Variants in TMEM61 observed in about 807,000 individuals in gnomAD.
TMEM61 encodes transmembrane protein 61.
A neutral mutation model predicts 12.0 loss-of-function variants in TMEM61; 13 were observed. That is an observed-to-expected ratio of 1.08 (90% CI 0.70 to 1.72). TMEM61 has a LOEUF of 1.72. Among genes scored for constraint, TMEM61 ranks in the 40% most tolerant of loss-of-function variants. TMEM61 has a pLI of 0.00. For missense variants in TMEM61, 249 were observed against 276.9 expected (o/e 0.90, Z 0.71); for synonymous variants, 109 against 121.4 (o/e 0.90, Z 0.67).
chr1:54,982,173 G>A (rs1291009923), intron 1 of TMEM61, among the ~76,000 whole-genome samples: 1 of 152,186 alleles, frequency 6.6e-6, no homozygotes, highest in Non-Finnish European at 1.5e-5. Flanking sequence ...AACAGGGAAT[G>A]ACCACTGTAG....
chr1:54,991,917 A>C lies in TMEM61; in HGVS notation c.447A>C (p.Ala149=). 1 of 1,614,182 alleles carries C rather than the reference A, an allele frequency of 6.2e-7. No homozygotes were observed. Among genetic ancestry groups the C allele is most frequent in the South Asian group, 1.1e-5 (1 of 91,086 alleles). Residue 149 remains alanine, a synonymous_variant, in exon 3 of 3, where the codon GCA becomes GCC. Coordinates refer to ENST00000371268, the MANE Select transcript of TMEM61 (RefSeq NM_182532.3). ...CCGAGGGGCCCCCAACACCACCTGCATACCCTACGGAGGAAGCCCTGGAGC... is the reference window on the plus strand; with the variant it reads ...CCGAGGGGCCCCCAACACCACCTGCCTACCCTACGGAGGAAGCCCTGGAGC... ...PVAEGPPTPP[A]YPTEEALEPS...
At position 54,991,342 on chromosome 1, in the gene TMEM61, T is replaced by A. The variant is rs896432638; in HGVS notation, c.366-494T>A. ...GAGGTATGCAAGTAGAGATAATCAC[T>A]TGGCAGACATCATATCAAAATCTAA... is the stretch of plus-strand genomic sequence containing the variant. On this transcript the variant is annotated intron_variant, in intron 2 of 2. Coordinates refer to ENST00000371268, the MANE Select transcript of TMEM61 (RefSeq NM_182532.3). Among the ~76,000 whole-genome samples the A allele has an allele frequency of 5.3e-5, 8 of 152,326 alleles. No individual in the cohort carries two copies. In the East Asian group the frequency reaches 1.5e-3, roughly 29 times the overall value.
intron 2 of TMEM61, among the ~76,000 whole-genome samples, 155 bp from the exon 3 acceptor site, chr1:54,991,681 C>G (rs528470556): frequency 6.6e-6 from 1 of 152,332 alleles, no homozygotes; most frequent in East Asian, 1.9e-4. Flanking sequence ...CTGGCTCATG[C>G]CAAGTTTCAA....
chr1:54,989,894 C>T (rs548805091), intron 2 of TMEM61, among the ~76,000 whole-genome samples: 5 of 152,044 alleles, frequency 3.3e-5, no homozygotes, highest in African/African-American at 1.2e-4. Context: ...GGAGATGGGG[C>T]TCTGGAAGCT....
intron 1 of TMEM61, among the ~76,000 whole-genome samples, chr1:54,985,639 C>T (rs1361255694): frequency 6.6e-6 from 1 of 152,202 alleles, no homozygotes; most frequent in African/African-American, 2.4e-5. Flanking sequence ...TCGGTATCTT[C>T]CTCTATTCAG....
intron 1 of TMEM61, among the ~76,000 whole-genome samples, chr1:54,981,906 CATAATA>C (rs1570255725): frequency 6.6e-6 from 1 of 152,216 alleles, no homozygotes; most frequent in Non-Finnish European, 1.5e-5. Flanking sequence ...TAAAAATAAT[CATAATA>C]AGAATAAATT....
intron 1 of TMEM61, among the ~76,000 whole-genome samples, chr1:54,983,183 G>A (rs1199232891): frequency 1.5e-5 from 2 of 135,654 alleles, no homozygotes; most frequent in African/African-American, 2.7e-5. Context: ...ACGCAATCTC[G>A]GCTCACTGCA....
chr1:54,980,737 G>C lies in TMEM61; in HGVS notation c.-329G>C. The C allele has an allele frequency of 3.5e-6, 1 of 283,090 alleles. No homozygotes were observed. The highest frequency in any genetic ancestry group is 5.8e-5 in the East Asian group (1 of 17,232). 17.5% of individuals were successfully genotyped at this position (283,090 alleles called of 1,614,324 possible). On this transcript the variant is annotated 5_prime_UTR_variant, in exon 1 of 3. Transcript: ENST00000371268. ...CCCGCGCTCCCCTGGGCGCCCCACGGCAGCCTCAGAGCCCCGCGGGGAGCG... is the reference window on the plus strand; with the variant it reads ...CCCGCGCTCCCCTGGGCGCCCCACGCCAGCCTCAGAGCCCCGCGGGGAGCG...
intron 1 of TMEM61, among the ~76,000 whole-genome samples, chr1:54,981,788 C>A (rs1335416014): frequency 6.6e-6 from 1 of 152,196 alleles, no homozygotes; most frequent in Admixed American, 6.5e-5. Flanking sequence ...ACTGAAGATG[C>A]TGCCCCCTTG....
At position 54,983,119 on chromosome 1, in the gene TMEM61, TTTG is replaced by T. The variant is rs1262181674; in HGVS notation, c.15+2042_15+2044del. ...TTTGTGTTTTGCTTTGTTTTTTTTT[TTTG>T]TTTTTTTTTGAGAAAGAGTCTCACT... On this transcript the variant is annotated intron_variant, in intron 1 of 2. Coordinates refer to ENST00000371268, the MANE Select transcript of TMEM61 (RefSeq NM_182532.3). 4.5e-5 allele frequency among the ~76,000 whole-genome samples: 6 copies of T among 131,886 alleles called. 1 individual carries two copies. The highest frequency in any genetic ancestry group is 7.9e-5 in the African/African-American group (3 of 38,048). The allele number at this position is 131,886 out of a possible 152,430, so 86.5% of individuals were successfully genotyped here.
At chr1:54,982,129 T>C (rs1258344223) in intron 1 of TMEM61, among the ~76,000 whole-genome samples, 3 of 152,124 alleles carry the variant, frequency 2.0e-5, no homozygotes, top group African/African-American at 7.2e-5. Flanking sequence ...CAGGCAGGGA[T>C]TTGAACTCAG....
chr1:54,986,036 C>G, intron 1 of TMEM61, 61 bp from the exon 2 acceptor site: 2 of 1,443,662 alleles, frequency 1.4e-6, no homozygotes, highest in East Asian at 4.7e-5. Flanking sequence ...GGAATTAACA[C>G]CTGGCCTCCA....
intron 1 of TMEM61, among the ~76,000 whole-genome samples, chr1:54,984,287 C>A (rs568198640): frequency 6.6e-6 from 1 of 152,308 alleles, no homozygotes; most frequent in African/African-American, 2.4e-5. Context: ...GTCTGTGGCC[C>A]CCGCTGCCTG....
chr1:54,989,854 G>T (rs1644283894), intron 2 of TMEM61, among the ~76,000 whole-genome samples: 1 of 152,240 alleles, frequency 6.6e-6, no homozygotes, highest in South Asian at 2.1e-4. Context: ...TCTAAGTGGG[G>T]CTGGAGCATG....
At chr1:54,991,806 C>G in intron 2 of TMEM61, 30 bp from the exon 3 acceptor site, 1 of 1,607,590 alleles carries the variant, frequency 6.2e-7, no homozygotes, top group Non-Finnish European at 8.5e-7. Flanking sequence ...GCCCCAGCCC[C>G]TGCTAACAGC....
chr1:54,981,823 G>T (rs1185121146), intron 1 of TMEM61, among the ~76,000 whole-genome samples: 1 of 152,122 alleles, frequency 6.6e-6, no homozygotes, highest in South Asian at 2.1e-4. Context: ...ATAGATTCAG[G>T]CTGGCCCTGC....
chr1:54,987,632 T>C (rs1250693240), intron 2 of TMEM61, among the ~76,000 whole-genome samples: 1 of 152,362 alleles, frequency 6.6e-6, no homozygotes, highest in East Asian at 1.9e-4. Context: ...AGTGTGCCTA[T>C]GTACTAGGGG....
Position 54,992,043 on chromosome 1 carries a change from G to A in TMEM61, c.573G>A (p.Thr191=), listed in dbSNP as rs762158120. ...SLALDAVSAE[T]TPSATRSCSG... Reference sequence around the variant, plus strand: ...CTCTTGATGCCGTTTCTGCGGAGACGACACCGAGTGCCACACGCTCCTGCT... The same window carrying A: ...CTCTTGATGCCGTTTCTGCGGAGACAACACCGAGTGCCACACGCTCCTGCT... Residue 191 remains threonine (T), a synonymous_variant, in exon 3 of 3, where the codon ACG becomes ACA. Transcript: ENST00000371268. The A allele has an allele frequency of 2.2e-5, 35 of 1,613,232 alleles. No homozygotes were observed. The South Asian group carries it at 2.7e-4, about 13-fold the overall frequency.
intron 1 of TMEM61, among the ~76,000 whole-genome samples, chr1:54,984,465 A>G (rs1644245184): frequency 6.6e-6 from 1 of 152,130 alleles, no homozygotes; most frequent in Non-Finnish European, 1.5e-5. Context: ...ACTGTCCTTC[A>G]TGTCCCTGTG....
Sources: allele counts gnomAD v4.1 joint callset (sites outside exome capture counted in the v4.1 genomes callset), GRCh38; gene constraint gnomAD v4.1.1; transcripts MANE v1.5; gene names NCBI Gene and HGNC (gene_info 2026-07-23, HGNC 2026-07-21).